Variants in CPS1 observed in about 807,000 individuals in gnomAD.
CPS1 encodes carbamoyl-phosphate synthase 1.
In CPS1, 109 loss-of-function variants were observed where a neutral mutation model predicts 174.6. The ratio of observed to expected loss-of-function variants is 0.62; its 90% CI spans 0.53 to 0.73. The LOEUF (loss-of-function observed/expected upper bound fraction) is 0.73, where lower values mean the gene tolerates loss of function less well. CPS1 is among the 30% of genes least tolerant of loss of function. CPS1 has a pLI of 0.00. For missense variants in CPS1, 1,689 were observed against 1,821.9 expected, an observed-to-expected ratio of 0.93 and a Z score of 1.33; for synonymous variants, 637 against 632.0, an observed-to-expected ratio of 1.01 and a Z score of -0.12.
In CPS1 at chr2:210,608,524, A is replaced by G; in HGVS notation, c.2356A>G (p.Ser786Gly). Reference sequence around the variant, plus strand: ...TCTTGACCGTTTTCATGGAACATCTAGCCGAATTGGTAGCTCTATGAAAAG... The same window carrying G: ...TCTTGACCGTTTTCATGGAACATCTGGCCGAATTGGTAGCTCTATGAAAAG... ...WDLDRFHGTS[S>G]RIGSSMKSVG... The change falls in exon 19 of 38, where the codon AGC (serine) becomes GGC (glycine). Residue 786 changes from serine to glycine, a missense_variant. Coordinates refer to ENST00000233072, the MANE Select transcript of CPS1 (RefSeq NM_001875.5). 1 of 1,612,188 alleles carries G rather than the reference A, an allele frequency of 6.2e-7. No homozygotes were observed. The highest frequency in any genetic ancestry group is 8.5e-7 in the Non-Finnish European group (1 of 1,178,712).
intron 19 of CPS1, among the ~76,000 whole-genome samples, chr2:210,610,330 G>A (rs1194861775): frequency 6.6e-6 from 1 of 151,826 alleles, no homozygotes; most frequent in Non-Finnish European, 1.5e-5. Context: ...GGGGAGTTTT[G>A]TTGTCTAACA....
intron 33 of CPS1, 125 bp downstream of exon 33, chr2:210,663,322 T>A: frequency 1.1e-6 from 1 of 899,550 alleles, no homozygotes; most frequent in South Asian, 1.6e-5. Flanking sequence ...CTCAAAGAGC[T>A]TATGAATTTT....
intron 1 of CPS1, among the ~76,000 whole-genome samples, chr2:210,483,527 G>A (rs1247296378): frequency 1.3e-5 from 2 of 152,086 alleles, no homozygotes; most frequent in Admixed American, 1.3e-4. Flanking sequence ...ACCATCTACT[G>A]TCCTCCTCCT....
chr2:210,677,139 A>G lies in CPS1; in HGVS notation c.4404+3A>G. On this transcript the variant is annotated splice_donor_region_variant and intron_variant, in intron 37 of 37. Coordinates refer to ENST00000233072, the MANE Select transcript of CPS1 (RefSeq NM_001875.5). ...TCCCTCTCCTCACTAATTTTCAGGT[A>G]TAGTCTTTTCCTTGGATATAGACTG... The G allele has an allele frequency of 6.2e-7, 1 of 1,613,728 alleles. No homozygotes were observed. Among genetic ancestry groups the G allele is most frequent in the Non-Finnish European group, 8.5e-7 (1 of 1,179,638 alleles).
At chr2:210,605,275 T>A (rs751398119) in intron 17 of CPS1, 29 bp downstream of exon 17, 2 of 1,610,400 alleles carry the variant, frequency 1.2e-6, no homozygotes, top group Non-Finnish European at 1.7e-6. Context: ...AGAACTATAG[T>A]AATGCTTTCA....
intron 21 of CPS1, among the ~76,000 whole-genome samples, chr2:210,627,836 TTCTTC>T (rs1574612520): frequency 6.6e-6 from 1 of 152,182 alleles, no homozygotes; most frequent in African/African-American, 2.4e-5. Context: ...CTCCTCCTGC[TTCTTC>T]TCTTCTTTCT....
At chr2:210,656,700 T>C in intron 30 of CPS1, 68 bp downstream of exon 30, 2 of 1,212,842 alleles carry the variant, frequency 1.6e-6, no homozygotes, top group Non-Finnish European at 2.4e-6. Context: ...AAGGTTTTTT[T>C]TTTTTTTTTA....
Position 210,639,221 on chromosome 2 carries a change from A to G in CPS1, c.2895+6A>G. The G allele has an allele frequency of 6.2e-7, 1 of 1,606,946 alleles. No homozygotes were observed. Among genetic ancestry groups the G allele is most frequent in the Non-Finnish European group, 8.5e-7 (1 of 1,173,756 alleles). On this transcript the variant is annotated splice_donor_region_variant and intron_variant, in intron 23 of 37. Coordinates refer to ENST00000233072, the MANE Select transcript of CPS1 (RefSeq NM_001875.5). ...ATGTTACCTACAATGGTCAGGTAGG[A>G]ATGGGCAAATTGGCCTATCCAGAAA...
intron 1 of CPS1, among the ~76,000 whole-genome samples, chr2:210,534,155 C>T (rs1040750837): frequency 2.0e-5 from 3 of 152,146 alleles, no homozygotes; most frequent in Admixed American, 1.3e-4. Context: ...TGTCAGGATA[C>T]CCTGTGGGGA....
intron 1 of CPS1, among the ~76,000 whole-genome samples, chr2:210,501,343 A>G (rs1371801517): frequency 1.3e-5 from 2 of 152,178 alleles, no homozygotes; most frequent in Non-Finnish European, 2.9e-5. Context: ...TCCTCAGGAA[A>G]TGGGTTTTTC....
At chr2:210,675,108 G>C in intron 35 of CPS1, 147 bp downstream of exon 35, 1 of 697,292 alleles carries the variant, frequency 1.4e-6, no homozygotes, top group Non-Finnish European at 2.6e-6. Flanking sequence ...AAAACTTAGA[G>C]TCAAATCATT....
chr2:210,517,782 T>C (rs1162082525), intron 1 of CPS1, among the ~76,000 whole-genome samples: 1 of 151,962 alleles, frequency 6.6e-6, no homozygotes, highest in Non-Finnish European at 1.5e-5. Context: ...CACCATAAAG[T>C]TCGCAGTTAG....
At chr2:210,595,931 G>T (rs760631073) in intron 13 of CPS1, among the ~76,000 whole-genome samples, 3 of 151,756 alleles carry the variant, frequency 2.0e-5, no homozygotes, top group Non-Finnish European at 2.9e-5. Flanking sequence ...GAAATTTTGG[G>T]CATCTTTGGT....
intron 30 of CPS1, among the ~76,000 whole-genome samples, chr2:210,658,003 C>T (rs1700775736): frequency 6.6e-6 from 1 of 152,206 alleles, no homozygotes; most frequent in African/African-American, 2.4e-5. Context: ...GGAGCTCTTG[C>T]TCTTTGTAAT....
intron 19 of CPS1, among the ~76,000 whole-genome samples, chr2:210,610,059 G>C (rs1699057432): frequency 6.6e-6 from 1 of 151,848 alleles, no homozygotes; most frequent in African/African-American, 2.4e-5. Context: ...CTCCATTATA[G>C]TTGTTTTAAA....
upstream of CPS1, among the ~76,000 whole-genome samples, chr2:210,554,164 TAC>T (rs199536243): frequency 7.2e-3 from 975 of 135,756 alleles, 62 homozygotes; most frequent in African/African-American, 0.021. Context: ...CACACACATA[TAC>T]ATATGTATGT....
intron 1 of CPS1, among the ~76,000 whole-genome samples, chr2:210,551,057 A>G (rs1444389146): frequency 6.6e-6 from 1 of 151,950 alleles, no homozygotes; most frequent in East Asian, 1.9e-4. Flanking sequence ...GCCTCTTGCT[A>G]TGTTTTATAA....
rs201276852 is a variant in CPS1 at position 210,590,925 on chromosome 2, T to C, written c.947+19T>C. The stretch of plus-strand genomic sequence containing the variant: ...CCAACAGGTGAGGTATTTTCACTTT[T>C]GCTTACAGTAAACCAGCTCTGACAT... On this transcript the variant is annotated intron_variant, in intron 9 of 37. Transcript: ENST00000233072. The C allele has an allele frequency of 3.5e-5, 56 of 1,597,128 alleles. 1 individual carries two copies. In the African/African-American group the frequency reaches 6.7e-4, roughly 19 times the overall value.
intron 1 of CPS1, among the ~76,000 whole-genome samples, chr2:210,528,814 C>CTTT (rs779266955): frequency 1.5e-4 from 18 of 117,644 alleles, no homozygotes; most frequent in South Asian, 2.9e-4. Flanking sequence ...ATCAAGACAA[C>CTTT]TTTTTTTTTT....
Sources: gnomAD v4.1 joint callset for allele counts (sites outside exome capture counted in the v4.1 genomes callset) on GRCh38, gnomAD v4.1.1 for gene constraint, MANE v1.5 for transcripts, NCBI Gene and HGNC (gene_info 2026-07-23, HGNC 2026-07-21) for gene names.